The following ZNF804B variants were observed in gnomAD, a reference collection of about 807,000 sequenced individuals.
The protein encoded by ZNF804B is zinc finger 804B.
A neutral mutation model predicts 101.4 loss-of-function variants in ZNF804B; 80 were observed. The observed-to-expected ratio is 0.79, with a 90% confidence interval of 0.66 to 0.95. The LOEUF (loss-of-function observed/expected upper bound fraction) is 0.95, where lower values mean the gene tolerates loss of function less well. ZNF804B is among the 40% of genes least tolerant of loss of function. The pLI, the probability that ZNF804B is intolerant of heterozygous loss-of-function variation, is 0.00. For missense variants in ZNF804B, 1,673 were observed against 1,561.9 expected, an observed-to-expected ratio of 1.07 and a Z score of -1.20; for synonymous variants, 622 against 558.8, an observed-to-expected ratio of 1.11 and a Z score of -1.59.
chr7:89,214,193 T>C (rs1404060635), intron 1 of ZNF804B, among the ~76,000 whole-genome samples: 1 of 152,234 alleles, frequency 6.6e-6, no homozygotes, highest in Non-Finnish European at 1.5e-5. Flanking sequence ...CTTGTTAAGA[T>C]AACTGTCATA....
chr7:89,090,161 A>C (rs1155132), intron 1 of ZNF804B, among the ~76,000 whole-genome samples: 71,629 of 151,756 alleles, frequency 0.47, 17,432 homozygotes, highest in Middle Eastern at 0.53. Flanking sequence ...TGTTGCATGT[A>C]CTGAACATTT....
intron 1 of ZNF804B, among the ~76,000 whole-genome samples, chr7:88,916,076 A>C (rs1237876675): frequency 6.6e-6 from 1 of 152,084 alleles, no homozygotes; most frequent in African/African-American, 2.4e-5. Context: ...TTGATCACTT[A>C]AAATGAAAAC....
chr7:89,155,583 A>G (rs1021135675), intron 1 of ZNF804B, among the ~76,000 whole-genome samples: 1 of 151,982 alleles, frequency 6.6e-6, no homozygotes, highest in Non-Finnish European at 1.5e-5. Flanking sequence ...GTTTTGGTCC[A>G]TTTTCTCCTG....
At chr7:88,982,887 ACCAAGTCCTC>A (rs1324248363) in intron 1 of ZNF804B, among the ~76,000 whole-genome samples, 2 of 152,010 alleles carry the variant, frequency 1.3e-5, no homozygotes, top group Non-Finnish European at 2.9e-5. Flanking sequence ...ACTCCAGATC[ACCAAGTCCTC>A]CAAACTCCCA....
intron 1 of ZNF804B, among the ~76,000 whole-genome samples, chr7:89,054,703 C>T (rs1381375613): frequency 6.6e-6 from 1 of 151,942 alleles, no homozygotes; most frequent in Non-Finnish European, 1.5e-5. Context: ...AGCTAGAGCA[C>T]GCTTATTCAT....
At chr7:89,245,199 C>T (rs1338137931) in intron 2 of ZNF804B, among the ~76,000 whole-genome samples, 1 of 151,698 alleles carries the variant, frequency 6.6e-6, no homozygotes, top group Non-Finnish European at 1.5e-5. Flanking sequence ...AAATGAGAAG[C>T]TTGAAAATAC....
In ZNF804B at chr7:89,007,444, TTTTATATATATATA is replaced by T. The variant is rs1389087744; in HGVS notation, c.109-210709_109-210696del. Among the ~76,000 whole-genome samples, 46 of 47,706 alleles carry T rather than the reference TTTTATATATATATA, an allele frequency of 9.6e-4. 3 individuals are homozygous for T. Among genetic ancestry groups the T allele is most frequent in the African/African-American group, 3.6e-3 (36 of 10,024 alleles). 31.3% of individuals were successfully genotyped at this position (47,706 alleles called of 152,430 possible). On this transcript the variant is annotated intron_variant, in intron 1 of 3. Transcript: ENST00000333190. Reference sequence around the variant, plus strand: ...ACATGTTATCTAAAGTTATCCATGATTTTATATATATATATATATATATATATATATATATATAT... The same window carrying T: ...ACATGTTATCTAAAGTTATCCATGATTATATATATATATATATATATATAT...
intron 2 of ZNF804B, among the ~76,000 whole-genome samples, chr7:89,315,510 C>A (rs1169411394): frequency 6.6e-6 from 1 of 152,030 alleles, no homozygotes; most frequent in Non-Finnish European, 1.5e-5. Context: ...AATATTGATA[C>A]ATCCAAGAAG....
At chr7:88,859,748 A>G (rs1456541244) in intron 1 of ZNF804B, among the ~76,000 whole-genome samples, 1 of 151,980 alleles carries the variant, frequency 6.6e-6, no homozygotes, top group Non-Finnish European at 1.5e-5. Flanking sequence ...GTGCATGCAT[A>G]TGGAAATATA....
chr7:89,002,547 A>G (rs1174492014), intron 1 of ZNF804B, among the ~76,000 whole-genome samples: 1 of 151,966 alleles, frequency 6.6e-6, no homozygotes, highest in Non-Finnish European at 1.5e-5. Context: ...TGTCTAAATG[A>G]CAAAAGTTAT....
chr7:89,157,082 GCTCT>G (rs1790990858), intron 1 of ZNF804B, among the ~76,000 whole-genome samples: 1 of 152,038 alleles, frequency 6.6e-6, no homozygotes, highest in Non-Finnish European at 1.5e-5. Flanking sequence ...TTTGGTACAG[GCTCT>G]CTATTGGTGA....
intron 1 of ZNF804B, among the ~76,000 whole-genome samples, chr7:88,899,794 C>G (rs984907685): frequency 1.3e-5 from 2 of 152,098 alleles, no homozygotes; most frequent in Non-Finnish European, 2.9e-5. Flanking sequence ...CTTCTATGTA[C>G]TAAAATCCAT....
chr7:89,148,863 TA>T (rs534561475), intron 1 of ZNF804B, among the ~76,000 whole-genome samples: 67 of 152,180 alleles, frequency 4.4e-4, no homozygotes, highest in Non-Finnish European at 8.2e-4. Context: ...ATCCTTGTTC[TA>T]AAAAAAGTCT....
chr7:89,336,248 C>T lies in ZNF804B; in HGVS notation c.3266C>T (p.Thr1089Ile), dbSNP rs1791085227. 1.2e-6 allele frequency: 2 copies of T among 1,613,672 alleles called. No individual in the cohort carries two copies. Among genetic ancestry groups the T allele is most frequent in the Non-Finnish European group, 1.7e-6 (2 of 1,179,958 alleles). ...SNKYTGVTDS[T>I]ETQEDQINLD... ...AAATATACTGGTGTGACTGATTCAA[C>T]AGAGACCCAAGAAGACCAAATAAAT... The change falls in exon 4 of 4, where the codon ACA becomes ATA. Residue 1089 changes from threonine (T) to isoleucine (I), a missense_variant. Transcript: ENST00000333190.
In ZNF804B at chr7:89,227,503, T is replaced by A. The variant is rs1178771883; in HGVS notation, c.249+9208T>A. Among the ~76,000 whole-genome samples, 8 of 152,126 alleles carry A rather than the reference T, an allele frequency of 5.3e-5. 1 individual carries two copies. The highest frequency in any genetic ancestry group is 1.2e-4 in the Non-Finnish European group (8 of 68,012). ...TATAGAGAGTGTATAAAAAAGAAAGTGAACATATAAAATATGAAAAAATAT... is the reference window on the plus strand; with the variant it reads ...TATAGAGAGTGTATAAAAAAGAAAGAGAACATATAAAATATGAAAAAATAT... On this transcript the variant is annotated intron_variant, in intron 2 of 3. Coordinates refer to ENST00000333190, the MANE Select transcript of ZNF804B (RefSeq NM_181646.5).
At chr7:88,834,107 CAGAA>C (rs1471577447) in intron 1 of ZNF804B, among the ~76,000 whole-genome samples, 11 of 151,724 alleles carry the variant, frequency 7.3e-5, no homozygotes, top group African/African-American at 2.7e-4. Flanking sequence ...AGGTTATAAT[CAGAA>C]AGAATTAGAA....
chr7:89,208,776 GC>G (rs1219302470), intron 1 of ZNF804B, among the ~76,000 whole-genome samples: 1 of 152,102 alleles, frequency 6.6e-6, no homozygotes, highest in African/African-American at 2.4e-5. Context: ...ACTTTGAGAG[GC>G]CGAGGTGGGT....
At chr7:89,288,986 T>A (rs1223505021) in intron 2 of ZNF804B, among the ~76,000 whole-genome samples, 1 of 152,188 alleles carries the variant, frequency 6.6e-6, no homozygotes, top group Non-Finnish European at 1.5e-5. Flanking sequence ...TGCATTGTTT[T>A]TAGAAGTGAT....
chr7:89,321,290 C>T (rs1790816133), intron 2 of ZNF804B, among the ~76,000 whole-genome samples: 1 of 151,996 alleles, frequency 6.6e-6, no homozygotes, highest in Admixed American at 6.6e-5. Context: ...ACTGTCCTGG[C>T]TAACAAGATG....
Sources: allele counts gnomAD v4.1 joint callset (sites outside exome capture counted in the v4.1 genomes callset), GRCh38; gene constraint gnomAD v4.1.1; transcripts MANE v1.5; gene names NCBI Gene and HGNC (gene_info 2026-07-23, HGNC 2026-07-21).